The following GABRR3 variants were observed in gnomAD, a reference collection of about 807,000 sequenced individuals.
GABRR3 encodes gamma-aminobutyric acid type A receptor subunit rho3, also known as gamma-aminobutyric acid receptor subunit rho-3.
GABRR3 carries 29 observed loss-of-function variants against 43.2 expected under a neutral mutation model. The ratio of observed to expected loss-of-function variants is 0.67; its 90% CI spans 0.50 to 0.92. GABRR3 has a LOEUF of 0.92. Ranked by LOEUF, GABRR3 falls within the 40% of genes least tolerant of loss-of-function variation. The pLI is 0.00. For missense variants in GABRR3, 576 were observed against 572.3 expected (o/e 1.01, Z -0.07); for synonymous variants, 206 against 195.9 (o/e 1.05, Z -0.43).
chr3:98,001,478 C>G, intron 8 of GABRR3, 137 bp downstream of exon 8: 1 of 906,550 alleles, frequency 1.1e-6, no homozygotes, highest in South Asian at 1.8e-5. Flanking sequence ...AAGATCGATA[C>G]TGCAACCTGG....
At chr3:98,010,297 G>A (rs114823401) in intron 5 of GABRR3, among the ~76,000 whole-genome samples, 1,540 of 152,310 alleles carry the variant, frequency 0.01, 22 homozygotes, top group African/African-American at 0.035. Context: ...ATGGAGTTAT[G>A]TGGATGGCGC....
chr3:98,004,821 A>T (rs1322727118), intron 7 of GABRR3, among the ~76,000 whole-genome samples: 1 of 151,848 alleles, frequency 6.6e-6, no homozygotes, highest in Non-Finnish European at 1.5e-5. Context: ...AGTTGTAAGG[A>T]TAGGAGTGAA....
chr3:98,034,918 C>A (rs772194418), exon 2 of GABRR3: 20 of 1,613,008 alleles, frequency 1.2e-5, no homozygotes, highest in Admixed American at 8.3e-5. Context: ...ATGTTAGAAG[C>A]AGCACAAACA....
chr3:97,988,360 G>A (rs1034650483), intron 9 of GABRR3, among the ~76,000 whole-genome samples: 8 of 152,162 alleles, frequency 5.3e-5, no homozygotes, highest in Admixed American at 2.0e-4. Flanking sequence ...TTACAGGCAT[G>A]AGCTACCGCA....
rs374780759 is a variant in GABRR3, at chr3:98,034,877, T to C, written c.111A>G (p.Ser37=). The change falls in exon 2 of 10, where the codon TCA becomes TCG. Residue 37 remains serine, a synonymous_variant. Coordinates refer to ENST00000621172, the Ensembl canonical transcript of GABRR3. ...GAGCATCTTACCAGGTTTGTTTCAT[T>C]GAAGAGGAGCACCGCTGGTGTGTCA... 75 of 1,613,066 alleles carry C rather than the reference T, an allele frequency of 4.6e-5. No individual in the cohort carries two copies. In the African/African-American group the frequency reaches 8.5e-4, roughly 18 times the overall value.
exon 9 of GABRR3, chr3:97,992,979 T>A: frequency 1.9e-6 from 3 of 1,613,402 alleles, no homozygotes; most frequent in Non-Finnish European, 2.5e-6. Flanking sequence ...AGCCTTGAGG[T>A]AGGACACCTG....
At chr3:97,989,556 C>G (rs898291284) in intron 9 of GABRR3, among the ~76,000 whole-genome samples, 11 of 151,708 alleles carry the variant, frequency 7.3e-5, no homozygotes, top group Non-Finnish European at 1.5e-4. Flanking sequence ...GTGATGAAAA[C>G]AAGTTTTGCC....
intron 7 of GABRR3, among the ~76,000 whole-genome samples, chr3:98,003,539 C>A (rs1014158454): frequency 6.6e-6 from 1 of 151,286 alleles, no homozygotes; most frequent in Non-Finnish European, 1.5e-5. Context: ...CATGGGGAGT[C>A]CATTTCCCTA....
chr3:98,019,949 G>A (rs1265839223), intron 3 of GABRR3, among the ~76,000 whole-genome samples: 2 of 152,100 alleles, frequency 1.3e-5, no homozygotes, highest in Non-Finnish European at 2.9e-5. Context: ...TCCTTCATAG[G>A]GTTTGGCTCT....
At position 98,015,338 on chromosome 3, in the gene GABRR3, A is replaced by T. The variant is rs531837912; in HGVS notation, c.306+2317T>A. Among the ~76,000 whole-genome samples the T allele has an allele frequency of 6.9e-3, 1,048 of 152,236 alleles. 8 individuals carry two copies. Among genetic ancestry groups the T allele is most frequent in the Non-Finnish European group, 9.0e-3 (613 of 68,016 alleles). ...CTACTGAGTAGCTGGGACTACAGGGATGTGCCACCACACCCAGCTAATTTT... is the reference window on the plus strand; with the variant it reads ...CTACTGAGTAGCTGGGACTACAGGGTTGTGCCACCACACCCAGCTAATTTT... On this transcript the variant is annotated intron_variant, in intron 4 of 9. Coordinates refer to ENST00000621172, the Ensembl canonical transcript of GABRR3.
At chr3:97,986,886 G>A in exon 10 of GABRR3, 1 of 1,611,838 alleles carries the variant, frequency 6.2e-7, no homozygotes, top group Non-Finnish European at 8.5e-7. Flanking sequence ...TCTGAGTTTA[G>A]AGAGAGGGAA....
intron 3 of GABRR3, among the ~76,000 whole-genome samples, chr3:98,021,156 C>T (rs949320295): frequency 2.6e-5 from 4 of 152,010 alleles, no homozygotes; most frequent in African/African-American, 9.7e-5. Flanking sequence ...TGAGCCACTG[C>T]ACCAGGCCGT....
chr3:97,991,950 T>G (rs1453650028), intron 9 of GABRR3, among the ~76,000 whole-genome samples: 1 of 152,204 alleles, frequency 6.6e-6, no homozygotes, highest in Non-Finnish European at 1.5e-5. Context: ...ATATACTATA[T>G]GCACATATGT....
chr3:98,000,314 A>G (rs1706622371), intron 8 of GABRR3: 1 of 152,138 alleles, frequency 6.6e-6, no homozygotes, highest in Non-Finnish European at 1.5e-5. Context: ...ATAAGAGCAG[A>G]GCAGTCAACT....
intron 2 of GABRR3, among the ~76,000 whole-genome samples, chr3:98,030,279 A>C (rs1166280447): frequency 2.6e-5 from 4 of 152,196 alleles, no homozygotes; most frequent in Admixed American, 1.3e-4. Context: ...CGGTAAAGAA[A>C]AAAATAAAAT....
rs1706642318 is a variant in GABRR3 at position 98,001,561 on chromosome 3, C to G, written c.907+54G>C. The G allele has an allele frequency of 7.6e-6, 12 of 1,588,938 alleles. No individual in the cohort carries two copies. In the South Asian group the frequency reaches 1.2e-4, roughly 16 times the overall value. On this transcript the variant is annotated intron_variant, in intron 8 of 9. Transcript: ENST00000621172. ...TCCATGTATGACCCATTTTATTTACCTCCCTTGAACTTTCTCCCATGTTAA... is the reference window on the plus strand; with the variant it reads ...TCCATGTATGACCCATTTTATTTACGTCCCTTGAACTTTCTCCCATGTTAA...
At chr3:97,987,409 A>G (rs1006734863) in intron 9 of GABRR3, among the ~76,000 whole-genome samples, 1 of 152,270 alleles carries the variant, frequency 6.6e-6, no homozygotes, top group Non-Finnish European at 1.5e-5. Flanking sequence ...AATCAAAACT[A>G]AAATTTTCTT....
At chr3:98,021,789 T>G (rs1199469049) in intron 3 of GABRR3, among the ~76,000 whole-genome samples, 3 of 152,202 alleles carry the variant, frequency 2.0e-5, no homozygotes, top group Non-Finnish European at 1.5e-5. Context: ...TGGCAAGATA[T>G]AGCATCTATT....
At chr3:97,999,389 C>T (rs1405915957) in intron 8 of GABRR3, 1 of 152,034 alleles carries the variant, frequency 6.6e-6, no homozygotes, top group Non-Finnish European at 1.5e-5. Flanking sequence ...AGTCTGGGTT[C>T]CCAAGGAAAG....
Sources: allele counts gnomAD v4.1 joint callset (sites outside exome capture counted in the v4.1 genomes callset), GRCh38; gene constraint gnomAD v4.1.1; transcripts MANE v1.5; gene names NCBI Gene and HGNC (gene_info 2026-07-23, HGNC 2026-07-21).